PDE3B: variants seen among roughly 807,000 people sequenced by gnomAD.
PDE3B encodes phosphodiesterase 3B, also known as cGMP-inhibited 3',5'-cyclic phosphodiesterase 3B.
Under a neutral mutation model 116.8 loss-of-function variants are expected in PDE3B, and 66 were observed. The observed-to-expected ratio is 0.56, with a 90% CI of 0.46 to 0.69. The LOEUF is 0.69. Among genes scored for constraint, PDE3B ranks in the 30% least tolerant of loss-of-function variants. The pLI is 0.00. For missense variants in PDE3B, 1,384 were observed against 1,368.1 expected (o/e 1.01, Z -0.18); for synonymous variants, 595 against 533.6 (o/e 1.12, Z -1.59).
At chr11:14,655,783 GATGGTA>G (rs1186888627) in intron 1 of PDE3B, among the ~76,000 whole-genome samples, 3 of 152,188 alleles carry the variant, frequency 2.0e-5, no homozygotes, top group Non-Finnish European at 2.9e-5. Flanking sequence ...TAAACCATGT[GATGGTA>G]AAATTCATGA....
chr11:14,647,328 T>G (rs1014536285), intron 1 of PDE3B, among the ~76,000 whole-genome samples: 7 of 152,156 alleles, frequency 4.6e-5, no homozygotes, highest in African/African-American at 1.4e-4. Context: ...CTTAACTGTT[T>G]AATTTTGGAA....
intron 1 of PDE3B, among the ~76,000 whole-genome samples, chr11:14,744,179 G>A (rs959744948): frequency 1.3e-5 from 2 of 152,102 alleles, no homozygotes; most frequent in Non-Finnish European, 2.9e-5. Flanking sequence ...TTTGATTACT[G>A]TAGCTTTTAT....
chr11:14,681,487 G>T (rs957321562), intron 1 of PDE3B, among the ~76,000 whole-genome samples: 2 of 152,066 alleles, frequency 1.3e-5, no homozygotes, highest in African/African-American at 4.8e-5. Context: ...TGAGTGTGAG[G>T]ACTTCCCTGC....
chr11:14,841,082 C>T (rs1332984921), intron 11 of PDE3B, among the ~76,000 whole-genome samples: 1 of 151,942 alleles, frequency 6.6e-6, no homozygotes, highest in Non-Finnish European at 1.5e-5. Context: ...AATTGATGGA[C>T]TTTAAGTAAA....
intron 1 of PDE3B, among the ~76,000 whole-genome samples, chr11:14,666,087 A>G (rs1854134988): frequency 6.6e-6 from 1 of 151,612 alleles, no homozygotes; most frequent in African/African-American, 2.4e-5. Flanking sequence ...AAACAGAGAT[A>G]TAGATCAATG....
chr11:14,742,997 T>C (rs868645706), intron 1 of PDE3B, among the ~76,000 whole-genome samples: 4 of 152,174 alleles, frequency 2.6e-5, no homozygotes, highest in Non-Finnish European at 5.9e-5. Flanking sequence ...ATGAGGTGTC[T>C]GTCAACTCCT....
chr11:14,772,072 A>G (rs2133898550), intron 2 of PDE3B, 85 bp downstream of exon 2: 1 of 644,434 alleles, frequency 1.6e-6, no homozygotes. Flanking sequence ...TTTGACACTT[A>G]AAGTTACACT....
chr11:14,702,265 G>T (rs1193451046), intron 1 of PDE3B, among the ~76,000 whole-genome samples: 8 of 151,596 alleles, frequency 5.3e-5, no homozygotes, highest in African/African-American at 1.7e-4. Context: ...TGATTCATGG[G>T]TACAACATCT....
the PDE3B span, among the ~76,000 whole-genome samples, chr11:14,878,456 T>C: frequency 3.3e-5 from 5 of 152,106 alleles, no homozygotes; most frequent in Admixed American, 1.3e-4. Context: ...AGAATAGAAA[T>C]TGACACTTCA....
chr11:14,655,035 A>G (rs1853674890), intron 1 of PDE3B, among the ~76,000 whole-genome samples: 1 of 152,192 alleles, frequency 6.6e-6, no homozygotes, highest in South Asian at 2.1e-4. Flanking sequence ...TACTACCACG[A>G]ATCACAATAA....
chr11:14,689,277 G>T (rs11023307), intron 1 of PDE3B, among the ~76,000 whole-genome samples: 18,099 of 152,190 alleles, frequency 0.12, 1,374 homozygotes, highest in African/African-American at 0.22. Flanking sequence ...TGTTTCTTGG[G>T]AAGCAGGGTA....
chr11:14,661,458 G>A (rs11023296), intron 1 of PDE3B, among the ~76,000 whole-genome samples: 18,152 of 152,248 alleles, frequency 0.12, 1,385 homozygotes, highest in African/African-American at 0.22. Flanking sequence ...AGTGGGCGTA[G>A]GACAGTGGGT....
intron 1 of PDE3B, among the ~76,000 whole-genome samples, chr11:14,761,147 A>G (rs1857350365): frequency 6.6e-6 from 1 of 152,172 alleles, no homozygotes; most frequent in Non-Finnish European, 1.5e-5. Context: ...ATTAATATAG[A>G]AAAAAGACCG....
chr11:14,691,718 C>T (rs180777464), intron 1 of PDE3B, among the ~76,000 whole-genome samples: 7 of 151,858 alleles, frequency 4.6e-5, no homozygotes, highest in East Asian at 1.9e-4. Flanking sequence ...TAAGCATGTA[C>T]GTATATATTG....
intron 1 of PDE3B, among the ~76,000 whole-genome samples, chr11:14,688,345 G>T (rs1854948572): frequency 6.6e-6 from 1 of 152,068 alleles, no homozygotes; most frequent in African/African-American, 2.4e-5. Context: ...AGAGAAAAAT[G>T]GACACACTGA....
At chr11:14,890,605 G>A in the PDE3B span, 950 of 210,830 alleles carry the variant, frequency 4.5e-3, 4 homozygotes, top group Middle Eastern at 9.8e-3. Flanking sequence ...GGAGTGCAGT[G>A]GCGCGATCTC....
At chr11:14,828,363 T>G (rs1565155057) in intron 7 of PDE3B, among the ~76,000 whole-genome samples, 1 of 152,166 alleles carries the variant, frequency 6.6e-6, no homozygotes, top group South Asian at 2.1e-4. Flanking sequence ...CAAAATAAAC[T>G]ATCAGCAGAG....
intron 15 of PDE3B, 101 bp from the exon 16 acceptor site, chr11:14,869,360 T>C: frequency 1.3e-6 from 1 of 791,306 alleles, no homozygotes; most frequent in Non-Finnish European, 2.0e-6. Flanking sequence ...TGTTTACTTT[T>C]ATACTCCCAG....
chr11:14,893,003 C>T, the PDE3B span, among the ~76,000 whole-genome samples: 2 of 152,208 alleles, frequency 1.3e-5, no homozygotes, highest in African/African-American at 4.8e-5. Context: ...TTCTATTGGG[C>T]AGTTCCTTGC....
Sources: allele counts gnomAD v4.1 joint callset (sites outside exome capture counted in the v4.1 genomes callset), GRCh38; gene constraint gnomAD v4.1.1; transcripts MANE v1.5; gene names NCBI Gene and HGNC (gene_info 2026-07-23, HGNC 2026-07-21).